CCDC63: variants seen among roughly 807,000 people sequenced by gnomAD.
CCDC63 encodes the protein coiled-coil domain-containing protein 63.
A neutral mutation model predicts 63.6 loss-of-function variants in CCDC63; 54 were observed. The observed-to-expected ratio is 0.85, with a 90% confidence interval of 0.68 to 1.07. CCDC63 has a LOEUF of 1.07. CCDC63 is among the 50% of genes least tolerant of loss of function. The probability of loss-of-function intolerance (pLI) is 0.00; values close to 1 mark genes in which losing one functional copy is unlikely to be tolerated. For missense variants in CCDC63, 637 were observed against 689.6 expected (o/e 0.92, Z 0.86); for synonymous variants, 253 against 266.1 (o/e 0.95, Z 0.48).
At chr12:110,898,090 T>C (rs2071436109) in intron 9 of CCDC63, among the ~76,000 whole-genome samples, 1 of 151,314 alleles carries the variant, frequency 6.6e-6, no homozygotes, top group South Asian at 2.1e-4. Flanking sequence ...GAGACCAGCC[T>C]GGGCAACGTG....
chr12:110,866,970 G>A (rs1169060944), intron 4 of CCDC63, among the ~76,000 whole-genome samples: 5 of 129,482 alleles, frequency 3.9e-5, no homozygotes, highest in South Asian at 5.3e-4. Context: ...CCTCCCTCCC[G>A]GACGGGGCGG....
chr12:110,902,568 C>G (rs1008216112), intron 10 of CCDC63, among the ~76,000 whole-genome samples: 1 of 152,044 alleles, frequency 6.6e-6, no homozygotes, highest in South Asian at 2.1e-4. Context: ...AGCTTCACCC[C>G]CTACTCCCCC....
rs1208784086 is a variant in CCDC63 at position 110,861,277 on chromosome 12, T to A, written c.369+2502T>A. Among the ~76,000 whole-genome samples, 3 of 152,298 alleles carry A rather than the reference T, an allele frequency of 2.0e-5. No homozygotes were observed. The East Asian group carries it at 5.8e-4, about 29-fold the overall frequency. The stretch of plus-strand genomic sequence containing the variant: ...AAACCAGATCACTACTGAATGAATC[T>A]GGAAATCTCTTCACATCTTTTGTCT... On this transcript the variant is annotated intron_variant, in intron 4 of 11. Coordinates refer to ENST00000308208, the MANE Select transcript of CCDC63 (RefSeq NM_152591.3).
chr12:110,861,607 T>C (rs1334465969), intron 4 of CCDC63, among the ~76,000 whole-genome samples: 2 of 152,062 alleles, frequency 1.3e-5, no homozygotes, highest in Non-Finnish European at 2.9e-5. Flanking sequence ...AGTCCCACTC[T>C]GTCACCCAGG....
intron 5 of CCDC63, among the ~76,000 whole-genome samples, chr12:110,879,180 A>G (rs2071168597): frequency 6.6e-6 from 1 of 152,252 alleles, no homozygotes; most frequent in Non-Finnish European, 1.5e-5. Context: ...TACCTAGTCC[A>G]TATTAACACG....
At chr12:110,868,862 C>G (rs1402707677) in intron 4 of CCDC63, among the ~76,000 whole-genome samples, 1 of 152,002 alleles carries the variant, frequency 6.6e-6, no homozygotes, top group Non-Finnish European at 1.5e-5. Context: ...TAACTGATAA[C>G]AAGCTGGTGC....
chr12:110,892,681 T>G (rs189329442), intron 8 of CCDC63, among the ~76,000 whole-genome samples: 1 of 152,154 alleles, frequency 6.6e-6, no homozygotes, highest in Admixed American at 6.5e-5. Context: ...CTGGGCTTGG[T>G]GGTGCGTGCC....
upstream of CCDC63, among the ~76,000 whole-genome samples, chr12:110,846,501 T>A (rs1023589484): frequency 6.6e-6 from 1 of 152,162 alleles, no homozygotes; most frequent in African/African-American, 2.4e-5. Context: ...GTTATTTTTC[T>A]CATGAAATAT....
At chr12:110,880,968 G>T in intron 6 of CCDC63, 147 bp from the exon 7 acceptor site, 1 of 639,620 alleles carries the variant, frequency 1.6e-6, no homozygotes, top group Non-Finnish European at 2.5e-6. Flanking sequence ...TTCAGGTAAG[G>T]AGGATTGTTT....
intron 5 of CCDC63, among the ~76,000 whole-genome samples, chr12:110,878,189 T>C (rs756363937): frequency 4.6e-5 from 7 of 152,168 alleles, no homozygotes; most frequent in Non-Finnish European, 8.8e-5. Context: ...CACACACACA[T>C]ATGTATCCAC....
intron 1 of CCDC63, among the ~76,000 whole-genome samples, chr12:110,848,427 G>A (rs138822136): frequency 6.6e-6 from 1 of 152,126 alleles, no homozygotes; most frequent in Non-Finnish European, 1.5e-5. Flanking sequence ...CCATCCCAGA[G>A]GGCACTGATC....
intron 10 of CCDC63, among the ~76,000 whole-genome samples, chr12:110,903,042 C>T (rs373202556): frequency 6.6e-6 from 1 of 152,068 alleles, no homozygotes; most frequent in South Asian, 2.1e-4. Context: ...GCAACCACAT[C>T]CAGCTTGTAT....
chr12:110,871,564 C>CTTT (rs1412580886), intron 4 of CCDC63, among the ~76,000 whole-genome samples: 1 of 137,366 alleles, frequency 7.3e-6, no homozygotes, highest in Non-Finnish European at 1.6e-5. Flanking sequence ...TCCTTCCTTC[C>CTTT]TTTTTTTTTT....
chr12:110,877,454 G>C (rs1245855129), intron 5 of CCDC63, among the ~76,000 whole-genome samples: 2 of 151,986 alleles, frequency 1.3e-5, no homozygotes, highest in Admixed American at 6.6e-5. Flanking sequence ...CCTCACTCAG[G>C]TGATCCACCC....
chr12:110,866,973 CG>C (rs2070961144), intron 4 of CCDC63, among the ~76,000 whole-genome samples: 1 of 137,282 alleles, frequency 7.3e-6, no homozygotes, highest in Non-Finnish European at 1.6e-5. Context: ...CCCTCCCGGA[CG>C]GGGCGGCTGG....
At chr12:110,857,183 G>A (rs1400981076) in intron 3 of CCDC63, among the ~76,000 whole-genome samples, 1 of 151,622 alleles carries the variant, frequency 6.6e-6, no homozygotes, top group Non-Finnish European at 1.5e-5. Context: ...CTGGAGTGCA[G>A]TGGCGCGATC....
rs1198454807 is a variant in CCDC63 at position 110,884,180 on chromosome 12, C to G, written c.1004C>G (p.Ala335Gly). 1.2e-6 allele frequency: 2 copies of G among 1,614,112 alleles called. No individual in the cohort carries two copies. Among genetic ancestry groups the G allele is most frequent in the Non-Finnish European group, 1.7e-6 (2 of 1,180,028 alleles). ...CTGGCCAAGGAGGAGAAGAATTTTG[C>G]TCGGTTCACGTATGTCACGGAGCTC... ...DFLAKEEKNFARFTYVTELNN... is the reference protein window; with the variant it reads ...DFLAKEEKNFGRFTYVTELNN... Residue 335 changes from alanine to glycine, a missense_variant, in exon 8 of 12, where the codon GCT (alanine) becomes GGT (glycine). Coordinates refer to ENST00000308208, the MANE Select transcript of CCDC63 (RefSeq NM_152591.3).
intron 3 of CCDC63, among the ~76,000 whole-genome samples, chr12:110,857,897 A>G (rs1029628959): frequency 6.6e-6 from 1 of 152,132 alleles, no homozygotes; most frequent in African/African-American, 2.4e-5. Flanking sequence ...ACATGAGGCC[A>G]GTAGTTCGAG....
In CCDC63 at chr12:110,881,124, C is replaced by T. The variant is rs987684790; in HGVS notation, c.681C>T (p.Ala227=). Residue 227 remains alanine (A), a synonymous_variant, in exon 7 of 12, where the codon GCC becomes GCT. Coordinates refer to ENST00000308208, the MANE Select transcript of CCDC63 (RefSeq NM_152591.3). ...SSQAYEQRVE[A]MARMAAMKDR... is the part of the protein sequence containing the mutation. ...TACTCCCTTTGCCCAGGGTGGAGGC[C>T]ATGGCTCGAATGGCTGCCATGAAAG... 4 of 1,610,790 alleles carry T rather than the reference C, an allele frequency of 2.5e-6. No individual in the cohort carries two copies. In the East Asian group the frequency reaches 6.7e-5, roughly 27 times the overall value.
Sources: gnomAD v4.1 joint callset for allele counts (sites outside exome capture counted in the v4.1 genomes callset) on GRCh38, gnomAD v4.1.1 for gene constraint, MANE v1.5 for transcripts, NCBI Gene and HGNC (gene_info 2026-07-23, HGNC 2026-07-21) for gene names.